Variants in ARHGAP6 observed in about 807,000 individuals in gnomAD.
ARHGAP6 encodes rho GTPase-activating protein 6.
ARHGAP6 carries 16 observed loss-of-function variants against 55.7 expected under a neutral mutation model. The ratio of observed to expected loss-of-function variants is 0.29; its 90% CI spans 0.19 to 0.44. ARHGAP6 has a LOEUF of 0.44. Ranked by LOEUF, ARHGAP6 falls within the 20% of genes least tolerant of loss-of-function variation. The pLI is 1.00. For missense variants in ARHGAP6, 698 were observed against 808.9 expected, an observed-to-expected ratio of 0.86 and a Z score of 1.66; for synonymous variants, 382 against 360.9, an observed-to-expected ratio of 1.06 and a Z score of -0.66.
At chrX:11,535,139 T>C (rs1001330506) in intron 1 of ARHGAP6, among the ~76,000 whole-genome samples, 19 of 111,548 alleles carry the variant, frequency 1.7e-4, no homozygotes, top group African/African-American at 6.2e-4. Context: ...AAGTGGCCCC[T>C]CTCTCCAGTT....
chrX:11,476,565 T>G (rs756910810), intron 1 of ARHGAP6, among the ~76,000 whole-genome samples: 75 of 111,217 alleles, frequency 6.7e-4, no homozygotes, highest in Non-Finnish European at 1.1e-3. Context: ...TTTCAAGATT[T>G]ACTATAAAGC....
chrX:11,524,959 T>C (rs2050974180), intron 1 of ARHGAP6, among the ~76,000 whole-genome samples: 1 of 110,931 alleles, frequency 9.0e-6, no homozygotes, highest in South Asian at 3.9e-4. Context: ...ACAATAGGGT[T>C]CATGCTCCTA....
chrX:11,525,021 A>G (rs2050974798), intron 1 of ARHGAP6, among the ~76,000 whole-genome samples: 1 of 111,305 alleles, frequency 9.0e-6, no homozygotes, highest in Non-Finnish European at 1.9e-5. Flanking sequence ...TCAAGCGGTA[A>G]TACAAGTGAT....
intron 1 of ARHGAP6, among the ~76,000 whole-genome samples, chrX:11,325,440 T>C (rs1324033657): frequency 8.9e-6 from 1 of 112,306 alleles, no homozygotes; most frequent in Non-Finnish European, 1.9e-5. Flanking sequence ...TTCTGAATTG[T>C]TCATTTCTTT....
intron 9 of ARHGAP6, among the ~76,000 whole-genome samples, chrX:11,168,621 G>A (rs1025755486): frequency 2.4e-4 from 27 of 111,963 alleles, no homozygotes; most frequent in East Asian, 5.6e-4. Flanking sequence ...TAGAATTCTC[G>A]GTTGAAGGAA....
chrX:11,656,756 C>A (rs1418532193), intron 1 of ARHGAP6, among the ~76,000 whole-genome samples: 1 of 111,757 alleles, frequency 8.9e-6, no homozygotes, highest in Non-Finnish European at 1.9e-5. Context: ...TGGCCCCACC[C>A]AGACAATCCA....
chrX:11,357,523 TG>T (rs1300432624), intron 1 of ARHGAP6, among the ~76,000 whole-genome samples: 1 of 111,893 alleles, frequency 8.9e-6, no homozygotes, highest in African/African-American at 3.3e-5. Flanking sequence ...ATGGCTTTAT[TG>T]TTCTCCAAAT....
At chrX:11,185,031 G>A (rs1324357541) in intron 5 of ARHGAP6, among the ~76,000 whole-genome samples, 1 of 111,880 alleles carries the variant, frequency 8.9e-6, no homozygotes, top group Non-Finnish European at 1.9e-5. Context: ...TTAAGTATTT[G>A]TGTATCTAAA....
chrX:11,640,597 C>G (rs186950589), intron 1 of ARHGAP6, among the ~76,000 whole-genome samples: 87 of 111,676 alleles, frequency 7.8e-4, no homozygotes, highest in Non-Finnish European at 1.4e-3. Context: ...CTGCTTTATC[C>G]TATAACTGGG....
chrX:11,647,648 C>T (rs186481097), intron 1 of ARHGAP6, among the ~76,000 whole-genome samples: 3 of 112,157 alleles, frequency 2.7e-5, no homozygotes, highest in Non-Finnish European at 3.8e-5. Flanking sequence ...CTTATCAACA[C>T]GCATATGGCC....
At chrX:11,220,581 C>T (rs1602897917) in intron 2 of ARHGAP6, among the ~76,000 whole-genome samples, 1 of 110,390 alleles carries the variant, frequency 9.1e-6, no homozygotes, top group African/African-American at 3.3e-5. Flanking sequence ...CAAGCAAATG[C>T]TGAGAGATTT....
intron 1 of ARHGAP6, among the ~76,000 whole-genome samples, chrX:11,344,509 C>CT (rs2048747752): frequency 1.9e-5 from 2 of 107,777 alleles, no homozygotes; most frequent in Non-Finnish European, 3.8e-5. Context: ...CCCATCTCTA[C>CT]TAAAAAAATA....
chrX:11,627,833 G>T (rs1320532899), intron 1 of ARHGAP6, among the ~76,000 whole-genome samples: 1 of 111,889 alleles, frequency 8.9e-6, no homozygotes, highest in African/African-American at 3.2e-5. Flanking sequence ...ATTAAGTGAT[G>T]ATTGCTATGG....
At chrX:11,587,436 G>A (rs1601673374) in intron 1 of ARHGAP6, among the ~76,000 whole-genome samples, 3 of 111,872 alleles carry the variant, frequency 2.7e-5, no homozygotes, top group Admixed American at 9.5e-5. Context: ...AAGAATTTGG[G>A]AGATCATCAC....
intron 1 of ARHGAP6, among the ~76,000 whole-genome samples, chrX:11,363,709 C>A (rs949741450): frequency 2.1e-4 from 24 of 111,945 alleles, no homozygotes; most frequent in Non-Finnish European, 2.1e-4. Context: ...GACAGAAGTC[C>A]ACTGAACTTG....
chrX:11,242,588 C>T (rs2047298303), intron 2 of ARHGAP6, among the ~76,000 whole-genome samples: 2 of 111,712 alleles, frequency 1.8e-5, no homozygotes, highest in South Asian at 3.8e-4. Flanking sequence ...GAGGACAATA[C>T]TTTTAGTTTA....
intron 1 of ARHGAP6, among the ~76,000 whole-genome samples, chrX:11,483,241 CTTTGGTTTCAGGA>C (rs1382101765): frequency 8.9e-6 from 1 of 111,924 alleles, no homozygotes; most frequent in African/African-American, 3.2e-5. Context: ...AGGCAGGAAC[CTTTGGTTTCAGGA>C]AAAGCTGTCC....
chrX:11,155,531 C>G (rs1212106082), intron 10 of ARHGAP6, among the ~76,000 whole-genome samples: 1 of 111,377 alleles, frequency 9.0e-6, no homozygotes, highest in Non-Finnish European at 1.9e-5. Flanking sequence ...AACTCCTGAC[C>G]TCAGGTGATC....
At chrX:11,457,549 G>A (rs1310074321) in intron 1 of ARHGAP6, among the ~76,000 whole-genome samples, 1 of 111,714 alleles carries the variant, frequency 9.0e-6, no homozygotes, top group Non-Finnish European at 1.9e-5. Context: ...TTCCAAAAGT[G>A]TGAGTGCCTC....
Sources: gnomAD v4.1 joint callset for allele counts (sites outside exome capture counted in the v4.1 genomes callset) on GRCh38, gnomAD v4.1.1 for gene constraint, MANE v1.5 for transcripts, NCBI Gene and HGNC (gene_info 2026-07-23, HGNC 2026-07-21) for gene names.